Variants in HELLS observed in about 807,000 individuals in gnomAD.
HELLS encodes lymphoid-specific helicase.
HELLS carries 32 observed loss-of-function variants against 120.0 expected under a neutral mutation model. The observed-to-expected ratio is 0.27, with a 90% CI of 0.20 to 0.36. HELLS has a LOEUF of 0.36. HELLS is among the 10% of genes least tolerant of loss of function. The pLI, the probability that HELLS is intolerant of heterozygous loss-of-function variation, is 1.00. For synonymous variants in HELLS, 341 were observed against 323.4 expected (o/e 1.05, Z -0.58); for missense variants, 650 against 993.4 (o/e 0.65, Z 4.65).
At chr10:94,603,320 G>A (rs1313424636), downstream of HELLS, among the ~76,000 whole-genome samples, 1 of 152,118 alleles carries the variant, frequency 6.6e-6, no homozygotes, top group African/African-American at 2.4e-5. Flanking sequence ...TGACGTCAGT[G>A]ACCTCATTTT....
intron 4 of HELLS, among the ~76,000 whole-genome samples, chr10:94,559,828 C>A (rs1003982419): frequency 6.6e-6 from 1 of 152,080 alleles, no homozygotes; most frequent in Non-Finnish European, 1.5e-5. Context: ...GGTTGTGTAT[C>A]GTTTGGTTGA....
At chr10:94,589,315 G>C (rs968057551) in intron 13 of HELLS, among the ~76,000 whole-genome samples, 2 of 152,164 alleles carry the variant, frequency 1.3e-5, no homozygotes, top group South Asian at 4.1e-4. Flanking sequence ...TATACAGATT[G>C]AGCATCCAAA....
At position 94,573,256 on chromosome 10, in the gene HELLS, C is replaced by G. The variant is rs549386913; in HGVS notation, c.478-704C>G. 2.6e-5 allele frequency among the ~76,000 whole-genome samples: 4 copies of G among 152,270 alleles called. No homozygotes were observed. The South Asian group carries it at 8.3e-4, about 32-fold the overall frequency. ...TACAGGCGTGAGCCACCATGCCCGG[C>G]CTGTATGTTTTCTTTTGTAAAGTAT... is the stretch of plus-strand genomic sequence containing the variant. On this transcript the variant is annotated intron_variant, in intron 7 of 21. Coordinates refer to ENST00000348459, the MANE Select transcript of HELLS (RefSeq NM_018063.5).
chr10:94,559,252 G>GT (rs1476015102), intron 4 of HELLS, among the ~76,000 whole-genome samples: 1 of 151,710 alleles, frequency 6.6e-6, no homozygotes, highest in Non-Finnish European at 1.5e-5. Flanking sequence ...TAACTTTTGC[G>GT]TTTTTTTGTG....
Position 94,564,712 on chromosome 10 carries a change from T to C in HELLS, c.435+1836T>C, listed in dbSNP as rs141799829. ...CTGCTACAAGCTCCACCTCCCATAT[T>C]CAAGCGATTCTTATGTCTCAGCTTC... On this transcript the variant is annotated intron_variant, in intron 6 of 21. Transcript: ENST00000348459. 5.9e-4 allele frequency among the ~76,000 whole-genome samples: 90 copies of C among 152,188 alleles called. 1 individual carries two copies. Among genetic ancestry groups the C allele is most frequent in the South Asian group, 8.3e-4 (4 of 4,824 alleles).
At chr10:94,588,416 A>G (rs759269769) in intron 13 of HELLS, 26 bp downstream of exon 13, 1 of 1,484,160 alleles carries the variant, frequency 6.7e-7, no homozygotes, top group South Asian at 1.4e-5. Context: ...AATGTACTGT[A>G]AATGAAACTT....
chr10:94,561,265 A>T (rs1350723372), intron 4 of HELLS, among the ~76,000 whole-genome samples: 1 of 152,012 alleles, frequency 6.6e-6, no homozygotes, highest in Non-Finnish European at 1.5e-5. Context: ...GATTACAGGC[A>T]TGAGCTAGCA....
chr10:94,585,154 A>G (rs1001214791), intron 12 of HELLS, among the ~76,000 whole-genome samples: 3 of 151,706 alleles, frequency 2.0e-5, no homozygotes, highest in Non-Finnish European at 4.4e-5. Context: ...CTACTTTTCT[A>G]TTTCCACCCC....
intron 9 of HELLS, among the ~76,000 whole-genome samples, chr10:94,576,235 G>A (rs534756344): frequency 6.6e-6 from 1 of 152,192 alleles, no homozygotes; most frequent in African/African-American, 2.4e-5. Flanking sequence ...TATCTCACAC[G>A]CCTGAGTAGC....
intron 21 of HELLS, among the ~76,000 whole-genome samples, chr10:94,600,615 A>G (rs187828686): frequency 1.6e-4 from 24 of 152,288 alleles, no homozygotes; most frequent in African/African-American, 5.5e-4. Context: ...GGAAATAGTA[A>G]TTAATAGGGG....
At chr10:94,559,955 A>T (rs1289837790) in intron 4 of HELLS, among the ~76,000 whole-genome samples, 1 of 152,196 alleles carries the variant, frequency 6.6e-6, no homozygotes, top group African/African-American at 2.4e-5. Flanking sequence ...GCTGACTCTA[A>T]TTTGCTGAAA....
intron 4 of HELLS, among the ~76,000 whole-genome samples, chr10:94,558,743 A>C (rs1195862405): frequency 6.6e-6 from 1 of 152,064 alleles, no homozygotes; most frequent in Non-Finnish European, 1.5e-5. Context: ...CTGGGACTAC[A>C]GGCGCCCGCC....
intron 6 of HELLS, 32 bp downstream of exon 6, chr10:94,562,908 T>C: frequency 7.7e-7 from 1 of 1,305,550 alleles, no homozygotes; most frequent in Non-Finnish European, 1.1e-6. Flanking sequence ...CACCTAACAT[T>C]TGATGTTGAG....
chr10:94,611,240 T>G (rs1052084571), exon 10 of HELLS: 3 of 152,128 alleles, frequency 2.0e-5, no homozygotes, highest in African/African-American at 7.2e-5. Context: ...GTAATAGTTA[T>G]TCCTATCTCA....
rs879253737 is a variant in HELLS at position 94,597,082 on chromosome 10, AGTT to A, written c.2400_2402del (p.Leu801del). ...AAGGTCATTAGTGATAAAGATCTAG[AGTT>A]GTTGTTAGATCGAAGTGATCTTATT... On this transcript the variant is annotated inframe_deletion, in exon 21 of 22. Transcript: ENST00000348459. The A allele has an allele frequency of 6.9e-6, 11 of 1,598,742 alleles. No homozygotes were observed. The highest frequency in any genetic ancestry group is 1.7e-5 in the Admixed American group (1 of 59,764).
At chr10:94,602,732 G>T (rs777888561), downstream of HELLS, among the ~76,000 whole-genome samples, 1 of 152,130 alleles carries the variant, frequency 6.6e-6, no homozygotes, top group Non-Finnish European at 1.5e-5. Context: ...AGGTACAGGT[G>T]GGTTTTGGTT....
intron 17 of HELLS, 138 bp from the exon 18 acceptor site, chr10:94,593,361 T>C (rs1845584979): frequency 3.4e-6 from 2 of 580,796 alleles, no homozygotes; most frequent in East Asian, 5.6e-5. Context: ...GTTAACATAA[T>C]TGTTTTATAG....
At chr10:94,608,636 G>GTTT (rs140578329) in intron 9 of HELLS, among the ~76,000 whole-genome samples, 1 of 148,122 alleles carries the variant, frequency 6.8e-6, no homozygotes, top group Non-Finnish European at 1.5e-5. Flanking sequence ...CAGTTTTTTA[G>GTTT]TTTTTTTTTT....
rs866586162 is a variant in HELLS at position 94,590,662 on chromosome 10, T to G, written c.1653T>G (p.Pro551=). 1.7e-5 allele frequency: 28 copies of G among 1,610,586 alleles called. 1 individual carries two copies. In the Middle Eastern group the frequency reaches 4.6e-3, roughly 266 times the overall value. The change falls in exon 15 of 22, where the codon CCT becomes CCG. Residue 551 remains proline (P), a synonymous_variant. Transcript: ENST00000348459. ...RERAVVEVNI[P]VESEVNLKLQ... is the part of the protein sequence containing the mutation. Reference sequence around the variant, plus strand: ...GAGCTGTTGTGGAAGTGAATATCCCTGTAGAATCTGAAGTTAATCTGAAGC... The same window carrying G: ...GAGCTGTTGTGGAAGTGAATATCCCGGTAGAATCTGAAGTTAATCTGAAGC...
Sources: gnomAD v4.1 joint callset for allele counts (sites outside exome capture counted in the v4.1 genomes callset) on GRCh38, gnomAD v4.1.1 for gene constraint, MANE v1.5 for transcripts, NCBI Gene and HGNC (gene_info 2026-07-23, HGNC 2026-07-21) for gene names.